EML1: variants seen among roughly 807,000 people sequenced by gnomAD.
EML1 encodes echinoderm microtubule-associated protein-like 1.
EML1 carries 27 observed loss-of-function variants against 110.4 expected under a neutral mutation model. The ratio of observed to expected loss-of-function variants is 0.24; its 90% CI spans 0.18 to 0.34. The LOEUF (loss-of-function observed/expected upper bound fraction) is 0.34, where lower values mean the gene tolerates loss of function less well. Among genes scored for constraint, EML1 ranks in the 10% least tolerant of loss-of-function variants. The pLI is 1.00. For synonymous variants in EML1, 344 were observed against 385.8 expected (o/e 0.89, Z 1.27); for missense variants, 741 against 1,030.9 (o/e 0.72, Z 3.85).
chr14:99,838,918 CGTGT>C (rs368374718), intron 1 of EML1: 1 of 33,614 alleles, frequency 3.0e-5, no homozygotes, highest in African/African-American at 8.7e-5. Context: ...CGCGCGCGCG[CGTGT>C]GTGTGTGTGC....
chr14:99,892,079 C>A (rs1188553033), intron 5 of EML1: 1 of 961,168 alleles, frequency 1.0e-6, no homozygotes, highest in African/African-American at 1.8e-5. Flanking sequence ...AGTGAGGGCT[C>A]CGGGCTCCGG....
intron 1 of EML1, among the ~76,000 whole-genome samples, chr14:99,846,254 A>T (rs1383318465): frequency 6.7e-6 from 1 of 148,562 alleles, no homozygotes; most frequent in African/African-American, 2.5e-5. Flanking sequence ...TTTGCTTGGA[A>T]TGCCATTCTT....
intron 1 of EML1, among the ~76,000 whole-genome samples, chr14:99,759,668 G>A (rs1242494782): frequency 6.6e-6 from 1 of 152,234 alleles, no homozygotes; most frequent in South Asian, 2.1e-4. Context: ...GCAGCTCCGA[G>A]GTGGCATTGC....
At position 99,927,563 on chromosome 14, in the gene EML1, T is replaced by C. The variant is rs79179481; in HGVS notation, c.1909+6686T>C. Among the ~76,000 whole-genome samples the C allele has an allele frequency of 7.7e-3, 1,171 of 152,264 alleles. 22 individuals are homozygous for C. Among genetic ancestry groups the C allele is most frequent in the African/African-American group, 0.027 (1,127 of 41,542 alleles). On this transcript the variant is annotated intron_variant, in intron 17 of 21. Transcript: ENST00000262233. Reference sequence around the variant, plus strand: ...AAGGTTGCCAACTATTGATTTCCAATGTTAGCTTTTCTTCTTCATTTATTA... The same window carrying C: ...AAGGTTGCCAACTATTGATTTCCAACGTTAGCTTTTCTTCTTCATTTATTA...
intron 7 of EML1, 47 bp from the exon 8 acceptor site, chr14:99,898,186 A>G: frequency 6.7e-7 from 1 of 1,500,540 alleles, no homozygotes; most frequent in Non-Finnish European, 9.0e-7. Context: ...GGGAAAAGTA[A>G]AACTTACCTG....
chr14:99,818,415 G>A (rs74084767), intron 1 of EML1, among the ~76,000 whole-genome samples: 2,324 of 152,222 alleles, frequency 0.015, 59 homozygotes, highest in African/African-American at 0.053. Context: ...GCAGATATTC[G>A]AATAGGCAGG....
intron 1 of EML1, among the ~76,000 whole-genome samples, chr14:99,833,833 T>C (rs1353383445): frequency 6.6e-6 from 1 of 152,248 alleles, no homozygotes; most frequent in African/African-American, 2.4e-5. Context: ...TATGTCTTGA[T>C]CTTCTATCCT....
intron 1 of EML1, among the ~76,000 whole-genome samples, chr14:99,739,855 A>G (rs937099521): frequency 6.6e-6 from 1 of 152,094 alleles, no homozygotes; most frequent in Non-Finnish European, 1.5e-5. Flanking sequence ...ACCTGTTTTC[A>G]GTAACCGATC....
At chr14:99,836,563 TA>T (rs2058544446) in intron 1 of EML1, among the ~76,000 whole-genome samples, 1 of 152,230 alleles carries the variant, frequency 6.6e-6, no homozygotes, top group South Asian at 2.1e-4. Context: ...GTATATAGTA[TA>T]GTCATAATAA....
intron 1 of EML1, among the ~76,000 whole-genome samples, chr14:99,824,043 G>A (rs1299646009): frequency 2.0e-5 from 3 of 152,124 alleles, no homozygotes; most frequent in Non-Finnish European, 4.4e-5. Flanking sequence ...TGCAACCTCT[G>A]CCTCCCGGAT....
At chr14:99,873,393 G>A (rs1351874822) in intron 3 of EML1, among the ~76,000 whole-genome samples, 1 of 152,212 alleles carries the variant, frequency 6.6e-6, no homozygotes. Flanking sequence ...CCAGTGCTGG[G>A]TACATAGCGT....
At chr14:99,922,322 G>C (rs990851962) in intron 17 of EML1, among the ~76,000 whole-genome samples, 5 of 152,044 alleles carry the variant, frequency 3.3e-5, no homozygotes, top group African/African-American at 1.2e-4. Context: ...CGCCATATTG[G>C]CCAGGCTGGT....
Position 99,878,536 on chromosome 14 carries a change from G to A in EML1, c.435G>A (p.Arg145=), listed in dbSNP as rs765414771. The change falls in exon 4 of 22, where the codon AGG becomes AGA. Residue 145 remains arginine, a synonymous_variant. Transcript: ENST00000262233. ...SSERVSPGGR[R]ESNGDSRGNR... ...AACGAGTGTCTCCTGGGGGTCGAAG[G>A]GAAAGCAATGGGGATTCCAGAGGAA... The A allele has an allele frequency of 6.2e-7, 1 of 1,614,124 alleles. No individual in the cohort carries two copies. The highest frequency in any genetic ancestry group is 8.5e-7 in the Non-Finnish European group (1 of 1,180,012).
At chr14:99,753,216 C>T (rs1194906675) in intron 1 of EML1, among the ~76,000 whole-genome samples, 3 of 138,856 alleles carry the variant, frequency 2.2e-5, no homozygotes, top group Non-Finnish European at 1.6e-5. Context: ...CGCCCCCCCA[C>T]CCCCCACTGC....
At position 99,921,204 on chromosome 14, in the gene EML1, A is replaced by G. The variant is rs527641858; in HGVS notation, c.1909+327A>G. ...TTTCTGTTCCTACATTGGTATGCTG[A>G]GGATAACAGCTTCCAGCTCCATCCA... On this transcript the variant is annotated intron_variant, in intron 17 of 21. Transcript: ENST00000262233. Among the ~76,000 whole-genome samples, 3 of 152,240 alleles carry G rather than the reference A, an allele frequency of 2.0e-5. No individual in the cohort carries two copies. In the East Asian group the frequency reaches 5.8e-4, roughly 29 times the overall value.
intron 1 of EML1, among the ~76,000 whole-genome samples, chr14:99,838,611 C>T (rs759081892): frequency 1.1e-3 from 164 of 151,798 alleles, no homozygotes; most frequent in Admixed American, 3.5e-3. Context: ...TTGCCAGGAT[C>T]ATTGTTAAAA....
chr14:99,913,763 C>T (rs904830252), intron 13 of EML1, among the ~76,000 whole-genome samples: 1 of 152,106 alleles, frequency 6.6e-6, no homozygotes, highest in African/African-American at 2.4e-5. Context: ...GATCTCGGCT[C>T]ACTGCAGCCT....
At chr14:99,913,390 TG>T (rs2059978409) in intron 13 of EML1, among the ~76,000 whole-genome samples, 1 of 152,008 alleles carries the variant, frequency 6.6e-6, no homozygotes, top group Non-Finnish European at 1.5e-5. Context: ...TTGCCCAGGC[TG>T]GTCTAGAACT....
chr14:99,745,446 C>T (rs2057097475), intron 1 of EML1, among the ~76,000 whole-genome samples: 1 of 152,176 alleles, frequency 6.6e-6, no homozygotes, highest in Non-Finnish European at 1.5e-5. Context: ...TTAAATAAAA[C>T]TTTACAGTAT....
Sources: allele counts gnomAD v4.1 joint callset (sites outside exome capture counted in the v4.1 genomes callset), GRCh38; gene constraint gnomAD v4.1.1; transcripts MANE v1.5; gene names NCBI Gene and HGNC (gene_info 2026-07-23, HGNC 2026-07-21).